Variants in ROBO1 observed in about 807,000 individuals in gnomAD.
ROBO1 encodes the protein roundabout guidance receptor 1, also known as roundabout homolog 1.
In ROBO1, 149 loss-of-function variants were observed where a neutral mutation model predicts 195.9. The ratio of observed to expected loss-of-function variants is 0.76; its 90% confidence interval spans 0.67 to 0.87. ROBO1 has a LOEUF of 0.87. Ranked by LOEUF, ROBO1 falls within the 40% of genes least tolerant of loss-of-function variation. The pLI, the probability that ROBO1 is intolerant of heterozygous loss-of-function variation, is 0.00. For synonymous variants in ROBO1, 816 were observed against 733.2 expected, an observed-to-expected ratio of 1.11 and a Z score of -1.82; for missense variants, 1,933 against 2,068.3, an observed-to-expected ratio of 0.93 and a Z score of 1.27.
At chr3:78,995,923 A>C (rs966683316) in intron 3 of ROBO1, among the ~76,000 whole-genome samples, 1 of 152,106 alleles carries the variant, frequency 6.6e-6, no homozygotes, top group Admixed American at 6.6e-5. Context: ...GTGGGCATAC[A>C]TGATATAAGT....
chr3:79,328,588 C>T (rs2034310017), intron 2 of ROBO1, among the ~76,000 whole-genome samples: 2 of 151,938 alleles, frequency 1.3e-5, no homozygotes, highest in African/African-American at 4.8e-5. Flanking sequence ...TAATAGAGTT[C>T]TATAATCCAT....
chr3:78,786,459 C>A (rs942844644), intron 4 of ROBO1, among the ~76,000 whole-genome samples: 77 of 151,894 alleles, frequency 5.1e-4, no homozygotes, highest in Non-Finnish European at 1.0e-4. Context: ...TTATTTAATC[C>A]TCATGACCCT....
At chr3:79,047,086 TG>T (rs1196909230) in intron 3 of ROBO1, among the ~76,000 whole-genome samples, 1 of 152,166 alleles carries the variant, frequency 6.6e-6, no homozygotes, top group African/African-American at 2.4e-5. Context: ...ACACATAAAT[TG>T]CCTTGAACAG....
intron 2 of ROBO1, among the ~76,000 whole-genome samples, chr3:79,563,985 T>C (rs1943009547): frequency 6.6e-6 from 1 of 151,816 alleles, no homozygotes; most frequent in African/African-American, 2.4e-5. Flanking sequence ...AATACTAAAT[T>C]TTCAAATCAA....
At chr3:78,627,684 C>T in intron 25 of ROBO1, 115 bp from the exon 26 acceptor site, 1 of 1,117,608 alleles carries the variant, frequency 8.9e-7, no homozygotes, top group Non-Finnish European at 1.2e-6. Flanking sequence ...TTCTCAGTCA[C>T]ATTAAGGAGA....
At chr3:79,728,901 A>G (rs941191009) in intron 1 of ROBO1, among the ~76,000 whole-genome samples, 5 of 152,202 alleles carry the variant, frequency 3.3e-5, no homozygotes, top group Admixed American at 2.0e-4. Context: ...CATAGACTAT[A>G]TAAAGAATAA....
At chr3:79,209,339 G>C (rs2081929748) in intron 2 of ROBO1, among the ~76,000 whole-genome samples, 1 of 152,168 alleles carries the variant, frequency 6.6e-6, no homozygotes, top group East Asian at 1.9e-4. Flanking sequence ...TTTTATGCCT[G>C]AGTAGTATTC....
chr3:78,731,525 T>C (rs1199593968), intron 5 of ROBO1, among the ~76,000 whole-genome samples: 4 of 152,098 alleles, frequency 2.6e-5, no homozygotes, highest in Non-Finnish European at 5.9e-5. Flanking sequence ...TCTCCTAGTT[T>C]TAACATTTAA....
At chr3:78,707,940 G>T (rs1437980567) in intron 8 of ROBO1, among the ~76,000 whole-genome samples, 8 of 152,192 alleles carry the variant, frequency 5.3e-5, no homozygotes, top group Admixed American at 3.3e-4. Context: ...GAGATAAAAG[G>T]TGATGGCTTG....
At chr3:78,776,603 T>C (rs1013613564) in intron 4 of ROBO1, among the ~76,000 whole-genome samples, 3 of 152,342 alleles carry the variant, frequency 2.0e-5, no homozygotes, top group South Asian at 2.1e-4. Context: ...GCCTTCGATA[T>C]GATTCCATAA....
intron 2 of ROBO1, among the ~76,000 whole-genome samples, chr3:79,281,042 C>T (rs1266044461): frequency 6.6e-6 from 1 of 152,116 alleles, no homozygotes; most frequent in Non-Finnish European, 1.5e-5. Flanking sequence ...GAATGTACTT[C>T]GTTGCTCTTT....
intron 4 of ROBO1, among the ~76,000 whole-genome samples, chr3:78,806,832 G>T (rs2108604550): frequency 6.6e-6 from 1 of 151,302 alleles, no homozygotes; most frequent in East Asian, 1.9e-4. Flanking sequence ...TCCCGATACA[G>T]AGTCTCACTC....
intron 4 of ROBO1, among the ~76,000 whole-genome samples, chr3:78,929,298 T>A (rs762386296): frequency 2.6e-4 from 39 of 152,128 alleles, no homozygotes; most frequent in African/African-American, 9.4e-4. Context: ...GATAACCAGA[T>A]GCACCTTTCC....
chr3:78,712,017 C>CAAAAA (rs56267632), intron 8 of ROBO1, among the ~76,000 whole-genome samples: 10 of 76,444 alleles, frequency 1.3e-4, no homozygotes, highest in African/African-American at 3.8e-4. Context: ...AAGACCTTGG[C>CAAAAA]AAAAAAAAAA....
intron 2 of ROBO1, among the ~76,000 whole-genome samples, chr3:79,324,808 G>A (rs929058865): frequency 2.0e-5 from 3 of 152,170 alleles, no homozygotes; most frequent in Non-Finnish European, 2.9e-5. Flanking sequence ...GACTCCACAT[G>A]GTTTAAACAA....
chr3:79,767,257 G>C (rs757144947), intron 1 of ROBO1, among the ~76,000 whole-genome samples: 1 of 152,012 alleles, frequency 6.6e-6, no homozygotes, highest in Non-Finnish European at 1.5e-5. Context: ...ACAACGGTGC[G>C]GTCAGCGGCA....
chr3:79,309,480 C>T (rs890017089), intron 2 of ROBO1, among the ~76,000 whole-genome samples: 3 of 152,080 alleles, frequency 2.0e-5, no homozygotes, highest in Admixed American at 6.6e-5. Flanking sequence ...TGGCATGTGT[C>T]TGTAGTTCCA....
chr3:78,691,003 A>C (rs980465060), intron 8 of ROBO1, among the ~76,000 whole-genome samples: 8 of 152,166 alleles, frequency 5.3e-5, no homozygotes, highest in Admixed American at 1.3e-4. Flanking sequence ...GCCTGGAAAC[A>C]AATTTACTGT....
intron 8 of ROBO1, among the ~76,000 whole-genome samples, chr3:78,712,937 C>T (rs1451144022): frequency 1.3e-5 from 2 of 152,176 alleles, no homozygotes; most frequent in African/African-American, 2.4e-5. Context: ...ACGTAATAGA[C>T]AGTCAACCTC....
Sources: gnomAD v4.1 joint callset for allele counts (sites outside exome capture counted in the v4.1 genomes callset) on GRCh38, gnomAD v4.1.1 for gene constraint, MANE v1.5 for transcripts, NCBI Gene and HGNC (gene_info 2026-07-23, HGNC 2026-07-21) for gene names.